ADA2: variants seen among roughly 807,000 people sequenced by gnomAD.
The protein encoded by ADA2 is adenosine deaminase 2, also known as adenosine deaminase CECR1.
Under a neutral mutation model 44.2 loss-of-function variants are expected in ADA2, and 29 were observed. The observed-to-expected ratio is 0.66, with a 90% CI of 0.49 to 0.89. The LOEUF (loss-of-function observed/expected upper bound fraction) is 0.89, where lower values mean the gene tolerates loss of function less well. ADA2 is among the 40% of genes least tolerant of loss of function. ADA2 has a pLI of 0.00. For missense variants in ADA2, 637 were observed against 644.8 expected, an observed-to-expected ratio of 0.99 and a Z score of 0.13; for synonymous variants, 215 against 234.9, an observed-to-expected ratio of 0.92 and a Z score of 0.77.
intron 1 of ADA2, among the ~76,000 whole-genome samples, chr22:17,217,669 G>C (rs568163695): frequency 1.3e-5 from 2 of 152,046 alleles, no homozygotes; most frequent in Admixed American, 1.3e-4. Flanking sequence ...TTAGCCAGGC[G>C]TGGTGTATTG....
At chr22:17,206,719 G>C (rs362047) in intron 3 of ADA2, among the ~76,000 whole-genome samples, 90,366 of 151,764 alleles carry the variant, frequency 0.6, 27,687 homozygotes, top group Middle Eastern at 0.72. Context: ...AGTTCACTGT[G>C]GCCTCAACCT....
intron 4 of ADA2, chr22:17,198,756 C>T (rs2123684267): frequency 6.6e-6 from 1 of 152,424 alleles, no homozygotes; most frequent in East Asian, 1.9e-4. Flanking sequence ...ATGCTAAAGA[C>T]TCAGGGGACC....
intron 4 of ADA2, chr22:17,199,444 C>CCACCCA: frequency 2.7e-6 from 3 of 1,108,400 alleles, no homozygotes; most frequent in Non-Finnish European, 2.8e-6. Context: ...ATCCTCTTCC[C>CCACCCA]CTCCACCCAC....
Position 17,183,241 on chromosome 22 carries a change from G to A in ADA2, c.1082-480C>T, listed in dbSNP as rs573582987. On this transcript the variant is annotated intron_variant, in intron 7 of 9. Coordinates refer to ENST00000399837, the MANE Select transcript of ADA2 (RefSeq NM_001282225.2). ...TGGGACTACGGGCACACGCCACCAC[G>A]CCCAGATAATTTTTTGTATTTTTAG... Among the ~76,000 whole-genome samples the A allele has an allele frequency of 2.4e-3, 372 of 151,844 alleles. 2 individuals are homozygous for A. The highest frequency in any genetic ancestry group is 8.3e-3 in the African/African-American group (345 of 41,420).
At chr22:17,211,783 C>A (rs1402229907) in intron 1 of ADA2, among the ~76,000 whole-genome samples, 1 of 152,026 alleles carries the variant, frequency 6.6e-6, no homozygotes, top group East Asian at 2.0e-4. Context: ...CAAAAATTAG[C>A]TGGGCGTGGT....
intron 3 of ADA2, among the ~76,000 whole-genome samples, chr22:17,204,608 CA>C (rs376188550): frequency 0.093 from 12,336 of 132,350 alleles, 531 homozygotes; most frequent in Middle Eastern, 0.16. Context: ...AGACTCATCT[CA>C]AAAAAAAAAA....
At chr22:17,211,971 C>T (rs2062423884) in intron 1 of ADA2, among the ~76,000 whole-genome samples, 1 of 151,746 alleles carries the variant, frequency 6.6e-6, no homozygotes, top group Non-Finnish European at 1.5e-5. Context: ...AATTAAATAG[C>T]AAAGAAACAA....
In ADA2 at chr22:17,188,261, C is replaced by T. The variant is rs2231496; in HGVS notation, c.1081+78G>A. 0.7 allele frequency: 723,758 copies of T among 1,037,612 alleles called. 253,958 individuals carry two copies. Among genetic ancestry groups the T allele is most frequent in the East Asian group, 0.86 (36,054 of 42,018 alleles). The allele number at this position is 1,037,612 out of a possible 1,614,324, so 64.3% of individuals were successfully genotyped here. A position where few individuals can be genotyped will look rare whatever the true frequency, so the allele number is the denominator to read the frequency against. On this transcript the variant is annotated intron_variant, in intron 7 of 9. Transcript: ENST00000399837. ...CTCTGGAAACGCCTGTAGGCTCTAA[C>T]CCTGAGGCATGGGCCTGTGGCCAGG... is the stretch of plus-strand genomic sequence containing the variant.
At chr22:17,195,761 C>CT (rs59967054) in intron 4 of ADA2, among the ~76,000 whole-genome samples, 6,563 of 128,738 alleles carry the variant, frequency 0.051, 183 homozygotes, top group African/African-American at 0.068. Context: ...AATTTCTTTC[C>CT]TTTTTTTTTT....
intron 7 of ADA2, among the ~76,000 whole-genome samples, chr22:17,183,623 G>A (rs1407590959): frequency 6.0e-5 from 9 of 151,146 alleles, no homozygotes; most frequent in East Asian, 2.0e-4. Flanking sequence ...CACCATGCCC[G>A]GCTATTTTTT....
rs940164281 is a variant in ADA2 at position 17,191,414 on chromosome 22, C to T, written c.881+269G>A. Among the ~76,000 whole-genome samples the T allele has an allele frequency of 2.6e-5, 4 of 152,342 alleles. No homozygotes were observed. In the South Asian group the frequency reaches 6.2e-4, roughly 24 times the overall value. The stretch of plus-strand genomic sequence containing the variant: ...CACCAGGCCAATGTGGGGTCACAGC[C>T]GAGAATTATCTGGGAAATTCACACA... On this transcript the variant is annotated intron_variant, in intron 5 of 9. Coordinates refer to ENST00000399837, the MANE Select transcript of ADA2 (RefSeq NM_001282225.2).
intron 7 of ADA2, among the ~76,000 whole-genome samples, chr22:17,187,288 A>G (rs868073656): frequency 4.6e-5 from 7 of 152,108 alleles, no homozygotes; most frequent in African/African-American, 1.7e-4. Flanking sequence ...CCTAAGTGCT[A>G]GAATTACAGA....
intron 1 of ADA2, chr22:17,213,551 GA>G: frequency 6.6e-6 from 2 of 301,258 alleles, no homozygotes; most frequent in Admixed American, 4.3e-5. Flanking sequence ...TTCTAAAGCT[GA>G]AAGGCGTCGC....
At chr22:17,212,002 C>A (rs566767235) in intron 1 of ADA2, among the ~76,000 whole-genome samples, 33 of 151,880 alleles carry the variant, frequency 2.2e-4, no homozygotes, top group African/African-American at 8.0e-4. Context: ...GAAGAGACAA[C>A]CTATTTTTTT....
chr22:17,214,162 C>T, intron 1 of ADA2: 1 of 708,948 alleles, frequency 1.4e-6, no homozygotes, highest in Non-Finnish European at 2.5e-6. Context: ...GAAATAGCCG[C>T]CTGCCCCCAG....
chr22:17,199,713 C>A, intron 4 of ADA2: 1 of 1,542,678 alleles, frequency 6.5e-7, no homozygotes, highest in South Asian at 1.2e-5. Context: ...TGGTCTGGGT[C>A]CAGCCACCCC....
intron 4 of ADA2, among the ~76,000 whole-genome samples, chr22:17,194,331 A>T (rs1253685995): frequency 6.6e-6 from 1 of 151,734 alleles, no homozygotes; most frequent in African/African-American, 2.4e-5. Flanking sequence ...TCCTCTGCTC[A>T]TTTCCCACCA....
chr22:17,194,232 C>T (rs1479617194), intron 4 of ADA2, among the ~76,000 whole-genome samples: 2 of 151,996 alleles, frequency 1.3e-5, no homozygotes, highest in African/African-American at 4.8e-5. Context: ...GGAGCTGTCC[C>T]CTCACTAAGG....
At chr22:17,207,600 T>C (rs1266451162) in intron 2 of ADA2, among the ~76,000 whole-genome samples, 1 of 152,018 alleles carries the variant, frequency 6.6e-6, no homozygotes, top group Non-Finnish European at 1.5e-5. Context: ...GTCTCACTAA[T>C]CAGGAGCCAG....
Sources: allele counts gnomAD v4.1 joint callset (sites outside exome capture counted in the v4.1 genomes callset), GRCh38; gene constraint gnomAD v4.1.1; transcripts MANE v1.5; gene names NCBI Gene and HGNC (gene_info 2026-07-23, HGNC 2026-07-21).